Variants in DSCAML1 observed in about 807,000 individuals in gnomAD.
The protein encoded by DSCAML1 is cell adhesion molecule DSCAML1.
In DSCAML1, 38 loss-of-function variants were observed where a neutral mutation model predicts 200.5. The ratio of observed to expected loss-of-function variants is 0.19; its 90% CI spans 0.15 to 0.25. DSCAML1 has a LOEUF of 0.25. Among genes scored for constraint, DSCAML1 ranks in the 10% least tolerant of loss-of-function variants. The pLI, the probability that DSCAML1 is intolerant of heterozygous loss-of-function variation, is 1.00. For synonymous variants in DSCAML1, 1,215 were observed against 1,165.0 expected (o/e 1.04, Z -0.87); for missense variants, 2,223 against 2,858.8 (o/e 0.78, Z 5.07).
At chr11:117,624,725 C>T (rs766254257) in intron 3 of DSCAML1, among the ~76,000 whole-genome samples, 1 of 152,156 alleles carries the variant, frequency 6.6e-6, no homozygotes, top group Admixed American at 6.5e-5. Context: ...CTCACTCCCA[C>T]GGAGAGACCT....
intron 24 of DSCAML1, 59 bp downstream of exon 24, chr11:117,438,826 C>G: frequency 7.1e-7 from 1 of 1,406,974 alleles, no homozygotes. Flanking sequence ...AAGCCCCTTC[C>G]CTGCCCCGGG....
chr11:117,669,180 A>C (rs1188732782), intron 3 of DSCAML1, among the ~76,000 whole-genome samples: 1 of 152,188 alleles, frequency 6.6e-6, no homozygotes, highest in Non-Finnish European at 1.5e-5. Context: ...ATTCCCCATA[A>C]AAGGAGAAAG....
rs367771479 is a variant in DSCAML1, at chr11:117,509,017, G to A, written c.1784-3285C>T. On this transcript the variant is annotated intron_variant, in intron 8 of 32. Coordinates refer to ENST00000651296, the MANE Select transcript of DSCAML1 (RefSeq NM_020693.4). ...TAATATTTATGAAATGCTCCTCTGTGAAGGCATTATGCTCCGTGTGGGCTG... is the reference window on the plus strand; with the variant it reads ...TAATATTTATGAAATGCTCCTCTGTAAAGGCATTATGCTCCGTGTGGGCTG... Among the ~76,000 whole-genome samples the A allele has an allele frequency of 4.6e-5, 7 of 152,278 alleles. No homozygotes were observed. In the South Asian group the frequency reaches 1.0e-3, roughly 23 times the overall value.
intron 3 of DSCAML1, among the ~76,000 whole-genome samples, chr11:117,628,814 C>T (rs1350773033): frequency 6.6e-6 from 1 of 152,258 alleles, no homozygotes; most frequent in African/African-American, 2.4e-5. Context: ...TTTTAGAAAC[C>T]AGATGGCTCA....
intron 3 of DSCAML1, among the ~76,000 whole-genome samples, chr11:117,646,841 T>TAG (rs35144550): frequency 0.45 from 66,686 of 146,616 alleles, 18,127 homozygotes; most frequent in Admixed American, 0.63. Flanking sequence ...AGAGGTCTCC[T>TAG]AGAGAGAGAG....
At chr11:117,739,340 T>C (rs573455867) in intron 3 of DSCAML1, among the ~76,000 whole-genome samples, 1 of 152,248 alleles carries the variant, frequency 6.6e-6, no homozygotes, top group South Asian at 2.1e-4. Context: ...TTGGACTCCA[T>C]CTCAAACCTA....
chr11:117,499,867 G>A (rs1381524068), intron 11 of DSCAML1, among the ~76,000 whole-genome samples: 2 of 152,180 alleles, frequency 1.3e-5, no homozygotes, highest in Admixed American at 6.5e-5. Flanking sequence ...AAAGGGTTCC[G>A]CATAGCAGTT....
intron 3 of DSCAML1, among the ~76,000 whole-genome samples, chr11:117,622,847 T>C (rs1181414831): frequency 1.3e-5 from 2 of 152,154 alleles, no homozygotes; most frequent in African/African-American, 4.8e-5. Flanking sequence ...ATCCTACGGG[T>C]AACAGATTCA....
At chr11:117,644,983 G>C (rs752786045) in intron 3 of DSCAML1, among the ~76,000 whole-genome samples, 8 of 152,244 alleles carry the variant, frequency 5.3e-5, no homozygotes, top group Non-Finnish European at 1.2e-4. Flanking sequence ...CAGAGTCACA[G>C]ACAGGGCCTG....
Position 117,428,161 on chromosome 11 carries a change from TGTACAAAAGA to T in DSCAML1, c.*157_*166del. Reference sequence around the variant, plus strand: ...TGGAGAAGAAGAAAATAGTTTCATTTGTACAAAAGAGTTCTATGTACAGGCGTTCATGATT... The same window carrying T: ...TGGAGAAGAAGAAAATAGTTTCATTTGTTCTATGTACAGGCGTTCATGATT... On this transcript the variant is annotated 3_prime_UTR_variant, in exon 33 of 33. Transcript: ENST00000651296. The T allele has an allele frequency of 1.8e-6, 1 of 557,120 alleles. No individual in the cohort carries two copies. The highest frequency in any genetic ancestry group is 3.2e-6 in the Non-Finnish European group (1 of 313,046). The allele number at this position is 557,120 out of a possible 1,614,324, so 34.5% of individuals were successfully genotyped here. A position where few individuals can be genotyped will look rare whatever the true frequency, so the allele number is the denominator to read the frequency against.
chr11:117,579,625 G>A (rs1336317325), intron 3 of DSCAML1, among the ~76,000 whole-genome samples: 1 of 152,148 alleles, frequency 6.6e-6, no homozygotes, highest in African/African-American at 2.4e-5. Context: ...CACAGTATGT[G>A]GCACTGTTTG....
At chr11:117,491,625 T>C (rs550850225) in intron 11 of DSCAML1, among the ~76,000 whole-genome samples, 1 of 152,222 alleles carries the variant, frequency 6.6e-6, no homozygotes, top group Non-Finnish European at 1.5e-5. Flanking sequence ...AATACAAAAA[T>C]TAGCTGGGCA....
At chr11:117,526,002 C>T (rs752306282) in intron 4 of DSCAML1, among the ~76,000 whole-genome samples, 9 of 152,218 alleles carry the variant, frequency 5.9e-5, no homozygotes, top group Non-Finnish European at 1.0e-4. Flanking sequence ...TTTCGCATTC[C>T]AAAACCAAGA....
At chr11:117,620,013 T>C (rs1053338719) in intron 3 of DSCAML1, among the ~76,000 whole-genome samples, 2 of 152,132 alleles carry the variant, frequency 1.3e-5, no homozygotes, top group African/African-American at 4.8e-5. Context: ...AATTAGCTAA[T>C]TTAAGAAAAA....
intron 2 of DSCAML1, among the ~76,000 whole-genome samples, chr11:117,779,508 T>C (rs1306367279): frequency 1.3e-5 from 2 of 152,194 alleles, no homozygotes; most frequent in African/African-American, 4.8e-5. Flanking sequence ...CCTTTTCTCA[T>C]GAGATATGTC....
chr11:117,780,237 A>T lies in DSCAML1; in HGVS notation c.364+256T>A, dbSNP rs560542088. Among the ~76,000 whole-genome samples, 8 of 61,888 alleles carry T rather than the reference A, an allele frequency of 1.3e-4. No individual in the cohort carries two copies. Among genetic ancestry groups the T allele is most frequent in the African/African-American group, 4.8e-4 (8 of 16,610 alleles). 40.6% of individuals were successfully genotyped at this position (61,888 alleles called of 152,430 possible). A position where few individuals can be genotyped will look rare whatever the true frequency, so the allele number is the denominator to read the frequency against. ...AGAGAGAGAAAGAAAGAAAGGAAAG[A>T]AAGAAAGAAAGAAAGAAAGAAAGAA... On this transcript the variant is annotated intron_variant, in intron 2 of 32. Coordinates refer to ENST00000651296, the MANE Select transcript of DSCAML1 (RefSeq NM_020693.4). The surrounding 1 kb of genome is among the most constrained non-coding windows in gnomAD (Gnocchi z 4.8).
At chr11:117,568,655 A>G (rs377383683) in intron 3 of DSCAML1, among the ~76,000 whole-genome samples, 1 of 152,164 alleles carries the variant, frequency 6.6e-6, no homozygotes, top group African/African-American at 2.4e-5. Flanking sequence ...TAGGAATCCA[A>G]CTTACAAGGG....
intron 3 of DSCAML1, among the ~76,000 whole-genome samples, chr11:117,627,943 C>T (rs1257961801): frequency 6.6e-6 from 1 of 152,060 alleles, no homozygotes; most frequent in Non-Finnish European, 1.5e-5. Context: ...GACCATGGGC[C>T]CCTATGCACC....
intron 3 of DSCAML1, among the ~76,000 whole-genome samples, chr11:117,715,490 TG>T (rs2137780388): frequency 6.6e-6 from 1 of 152,344 alleles, no homozygotes; most frequent in East Asian, 1.9e-4. Context: ...GCCTACTATG[TG>T]CCAGGAACTG....
Sources: gnomAD v4.1 joint callset for allele counts (sites outside exome capture counted in the v4.1 genomes callset) on GRCh38, gnomAD v4.1.1 for gene constraint, Gnocchi (gnomAD v3.1) non-coding constraint, MANE v1.5 for transcripts, NCBI Gene and HGNC (gene_info 2026-07-23, HGNC 2026-07-21) for gene names.